The following CHD8 variants were observed in gnomAD, a reference collection of about 807,000 sequenced individuals.
CHD8 encodes chromodomain helicase DNA binding protein 8.
In CHD8, 31 loss-of-function variants were observed where a neutral mutation model predicts 279.2. That is an observed-to-expected ratio of 0.11 (90% CI 0.08 to 0.15). The LOEUF (loss-of-function observed/expected upper bound fraction) is 0.15. Ranked by LOEUF, CHD8 falls within the 10% of genes least tolerant of loss-of-function variation. CHD8 has a pLI of 1.00. For missense variants in CHD8, 2,146 were observed against 3,230.5 expected, an observed-to-expected ratio of 0.66 and a Z score of 8.14; for synonymous variants, 1,081 against 1,139.6, an observed-to-expected ratio of 0.95 and a Z score of 1.04.
chr14:21,402,158 T>C lies in CHD8; in HGVS notation c.3883-22A>G, dbSNP rs201159966. ...GGATCTGTAAAAACCAATAGAAAGA[T>C]GAAAAGACTATCAAGAGAATAATAT... On this transcript the variant is annotated intron_variant, in intron 19 of 37. Coordinates refer to ENST00000646647, the MANE Select transcript of CHD8 (RefSeq NM_001170629.2). The surrounding 1 kb of genome is among the most constrained non-coding windows in gnomAD (Gnocchi z 4.5). 3.3e-4 allele frequency: 516 copies of C among 1,561,726 alleles called. 2 individuals are homozygous for C. Among genetic ancestry groups the C allele is most frequent in the Middle Eastern group, 1.7e-4 (1 of 5,852 alleles).
In CHD8 at chr14:21,403,991, C is replaced by A. The variant is rs1888146963; in HGVS notation, c.3308-328G>T. The stretch of plus-strand genomic sequence containing the variant: ...GCGGAGGCCTGTAGTTCCAGCTACT[C>A]AGGAGGCTGAGGCAGGAGAATCGCT... On this transcript the variant is annotated intron_variant, in intron 16 of 37. Coordinates refer to ENST00000646647, the MANE Select transcript of CHD8 (RefSeq NM_001170629.2). This position sits in a 1 kb window ranked among gnomAD's most constrained non-coding sequence, Gnocchi z 4.3. Among the ~76,000 whole-genome samples the A allele has an allele frequency of 6.6e-6, 1 of 151,776 alleles. No individual in the cohort carries two copies. The highest frequency in any genetic ancestry group is 2.1e-4 in the South Asian group (1 of 4,814).
At chr14:21,434,827 T>C (rs1889713826) in intron 1 of CHD8, among the ~76,000 whole-genome samples, 1 of 152,132 alleles carries the variant, frequency 6.6e-6, no homozygotes, top group Non-Finnish European at 1.5e-5. Context: ...CCAACATACA[T>C]CTAACTTTTT....
chr14:21,423,503 T>C (rs1457453053), intron 5 of CHD8, among the ~76,000 whole-genome samples: 1 of 152,108 alleles, frequency 6.6e-6, no homozygotes, highest in African/African-American at 2.4e-5. Context: ...ATGGGGGATT[T>C]AGCTTCCTAT....
intron 5 of CHD8, among the ~76,000 whole-genome samples, chr14:21,416,969 G>C (rs997132889): frequency 1.3e-5 from 2 of 152,080 alleles, no homozygotes; most frequent in Non-Finnish European, 2.9e-5. Flanking sequence ...GCCTGGTGGC[G>C]GATGCCTTTA....
intron 1 of CHD8, among the ~76,000 whole-genome samples, chr14:21,438,709 G>C (rs1889882002): frequency 6.6e-6 from 1 of 151,912 alleles, no homozygotes; most frequent in Non-Finnish European, 1.5e-5. Flanking sequence ...GCATTCGCCT[G>C]TAGTCCCGGC....
rs1166284062 is a variant in CHD8 at position 21,402,907 on chromosome 14, ACTAAG to A, written c.3714+105_3714+109del. The A allele has an allele frequency of 1.1e-6, 1 of 909,538 alleles. No individual in the cohort carries two copies. Among genetic ancestry groups the A allele is most frequent in the Non-Finnish European group, 1.6e-6 (1 of 607,458 alleles). The allele number at this position is 909,538 out of a possible 1,614,324, so 56.3% of individuals were successfully genotyped here. A position where few individuals can be genotyped will look rare whatever the true frequency, so the allele number is the denominator to read the frequency against. ...TTCCCTGACCTAACTGCCACCCTTA[ACTAAG>A]GAAACAATTCCAAACTCTGTGAAAG... On this transcript the variant is annotated intron_variant, in intron 18 of 37. Coordinates refer to ENST00000646647, the MANE Select transcript of CHD8 (RefSeq NM_001170629.2). This position sits in a 1 kb window ranked among gnomAD's most constrained non-coding sequence, Gnocchi z 4.5.
In CHD8 at chr14:21,408,874, G is replaced by GT; in HGVS notation, c.2365-50dup. 6.4e-7 allele frequency: 1 copy of GT among 1,570,154 alleles called. No homozygotes were observed. The highest frequency in any genetic ancestry group is 8.6e-7 in the Non-Finnish European group (1 of 1,156,314). On this transcript the variant is annotated intron_variant, in intron 11 of 37. Transcript: ENST00000646647. The surrounding 1 kb of genome is among the most constrained non-coding windows in gnomAD (Gnocchi z 4.3). The stretch of plus-strand genomic sequence containing the variant: ...AATGGAGTGGAGACATTATCAAAAG[G>GT]TAAGACTTACTAGGTAAGTTCTAAT...
chr14:21,426,358 T>A, intron 4 of CHD8, 116 bp from the exon 5 acceptor site: 1 of 619,364 alleles, frequency 1.6e-6, no homozygotes. Context: ...TTTTTAGATC[T>A]TCAGTCAATA....
chr14:21,387,017 C>T (rs1466332542), intron 37 of CHD8, among the ~76,000 whole-genome samples: 2 of 152,168 alleles, frequency 1.3e-5, no homozygotes, highest in Non-Finnish European at 2.9e-5. Context: ...AAACTCCTCA[C>T]TAAATTTAAT....
chr14:21,438,527 A>T (rs1022458693), intron 1 of CHD8, among the ~76,000 whole-genome samples: 5 of 149,372 alleles, frequency 3.3e-5, no homozygotes, highest in African/African-American at 1.3e-4. Context: ...AAAAAAAAAA[A>T]AAAAGAAAGA....
At chr14:21,425,230 T>C (rs1416668536) in intron 5 of CHD8, 1 of 152,064 alleles carries the variant, frequency 6.6e-6, no homozygotes, top group Non-Finnish European at 1.5e-5. Flanking sequence ...GAGAGTCAAG[T>C]TCTGGCCCAA....
chr14:21,439,590 T>C (rs1297745482), intron 1 of CHD8, among the ~76,000 whole-genome samples: 1 of 152,186 alleles, frequency 6.6e-6, no homozygotes, highest in Non-Finnish European at 1.5e-5. Flanking sequence ...TCTCCCTTAC[T>C]TATGTAGTTG....
intron 2 of CHD8, 101 bp downstream of exon 2, chr14:21,430,700 A>T: frequency 2.8e-6 from 2 of 724,340 alleles, no homozygotes; most frequent in Non-Finnish European, 4.4e-6. Flanking sequence ...ATGGAATTTA[A>T]ATAGGCTTTC....
At chr14:21,435,794 G>A (rs1047562059) in intron 1 of CHD8, among the ~76,000 whole-genome samples, 1 of 152,206 alleles carries the variant, frequency 6.6e-6, no homozygotes, top group Non-Finnish European at 1.5e-5. Flanking sequence ...ACTGGACAAA[G>A]CCTTCTTGGC....
intron 5 of CHD8, among the ~76,000 whole-genome samples, chr14:21,417,597 G>A (rs1422607594): frequency 6.6e-6 from 1 of 152,086 alleles, no homozygotes; most frequent in Admixed American, 6.5e-5. Context: ...GCTCACGCCT[G>A]TAATCCCAGC....
chr14:21,411,295 C>T (rs1272825428), intron 10 of CHD8, among the ~76,000 whole-genome samples: 2 of 152,180 alleles, frequency 1.3e-5, no homozygotes, highest in Non-Finnish European at 2.9e-5. Context: ...ACCACCCCAA[C>T]TTCAAAAGCA....
Position 21,412,978 on chromosome 14 carries a change from G to C in CHD8, c.2161C>G (p.Pro721Ala), listed in dbSNP as rs1888566811. 1.2e-6 allele frequency: 2 copies of C among 1,607,364 alleles called. No homozygotes were observed. The highest frequency in any genetic ancestry group is 1.7e-5 in the Admixed American group (1 of 59,914). Residue 721 changes from proline to alanine, a missense_variant, in exon 10 of 38, where the codon CCA becomes GCA. Physicochemically the swap from Pro to Ala is conservative, Grantham distance 27. Coordinates refer to ENST00000646647, the MANE Select transcript of CHD8 (RefSeq NM_001170629.2). ...FFHEDEEPFN[P>A]DYVEVDRILD... The stretch of plus-strand genomic sequence containing the variant: ...ATCCTATCCACCTCTACGTAGTCTG[G>C]ATTAAAGGGCTCTTCATCCTAGATG...
chr14:21,387,992 C>CA (rs1206343194), intron 37 of CHD8, among the ~76,000 whole-genome samples: 3 of 152,044 alleles, frequency 2.0e-5, no homozygotes, highest in Non-Finnish European at 4.4e-5. Context: ...AAATTAAAGA[C>CA]AGAGATGGCA....
intron 10 of CHD8, among the ~76,000 whole-genome samples, chr14:21,410,824 T>G (rs1045575253): frequency 1.3e-5 from 2 of 152,250 alleles, no homozygotes; most frequent in Non-Finnish European, 2.9e-5. Context: ...GTCACAGATC[T>G]CGAATCTCTG....
Sources: allele counts gnomAD v4.1 joint callset (sites outside exome capture counted in the v4.1 genomes callset), GRCh38; gene constraint gnomAD v4.1.1; non-coding constraint Gnocchi (gnomAD v3.1); transcripts MANE v1.5; gene names NCBI Gene and HGNC (gene_info 2026-07-23, HGNC 2026-07-21).